The following HNRNPL variants were observed in gnomAD, a reference collection of about 807,000 sequenced individuals.
HNRNPL encodes the protein epididymis secretory sperm binding protein.
Under a neutral mutation model 64.0 loss-of-function variants are expected in HNRNPL, and 12 were observed. That is an observed-to-expected ratio of 0.19 (90% CI 0.12 to 0.30). HNRNPL has a LOEUF of 0.30. HNRNPL is among the 10% of genes least tolerant of loss of function. The probability of loss-of-function intolerance (pLI) is 1.00; values close to 1 mark genes in which losing one functional copy is unlikely to be tolerated. For synonymous variants in HNRNPL, 385 were observed against 313.0 expected, an observed-to-expected ratio of 1.23 and a Z score of -2.43; for missense variants, 484 against 797.4, an observed-to-expected ratio of 0.61 and a Z score of 4.73.
chr19:38,836,477 A>C lies in HNRNPL; in HGVS notation c.*245T>G. On this transcript the variant is annotated 3_prime_UTR_variant, in exon 13 of 13. Coordinates refer to ENST00000221419, the MANE Select transcript of HNRNPL (RefSeq NM_001533.3). ...TATGAACAGGAAAAAAAAAAATCAC[A>C]TGTACAATAATTTTTTAAAAGTGAA... The C allele has an allele frequency of 5.3e-6, 2 of 374,014 alleles. No homozygotes were observed. The highest frequency in any genetic ancestry group is 4.8e-6 in the Non-Finnish European group (1 of 206,668). The allele number at this position is 374,014 out of a possible 1,614,324, so 23.2% of individuals were successfully genotyped here. A position where few individuals can be genotyped will look rare whatever the true frequency, so the allele number is the denominator to read the frequency against.
chr19:38,840,728 C>T, intron 6 of HNRNPL, 169 bp from the exon 7 acceptor site: 1 of 633,602 alleles, frequency 1.6e-6, no homozygotes. Flanking sequence ...GGGCATGAAG[C>T]CCGAGCCTCA....
chr19:38,837,688 CA>C, intron 10 of HNRNPL, 37 bp from the exon 11 acceptor site: 8 of 1,591,912 alleles, frequency 5.0e-6, no homozygotes, highest in Non-Finnish European at 6.0e-6. Context: ...AACTCTGAAA[CA>C]AAAGGGCCGC....
In HNRNPL at chr19:38,840,024, T is replaced by A. The variant is rs989400637; in HGVS notation, c.1233+72A>T. 2.0e-6 allele frequency: 3 copies of A among 1,469,504 alleles called. No individual in the cohort carries two copies. In the South Asian group the frequency reaches 3.5e-5, roughly 17 times the overall value. The allele number at this position is 1,469,504 out of a possible 1,614,324, so 91.0% of individuals were successfully genotyped here. Reference sequence around the variant, plus strand: ...CCCAGCGCCACACCAGGCTCCCCCCTGGTTCTTTCCCGTGCTGACTGGCAA... The same window carrying A: ...CCCAGCGCCACACCAGGCTCCCCCCAGGTTCTTTCCCGTGCTGACTGGCAA... On this transcript the variant is annotated intron_variant, in intron 8 of 12. Coordinates refer to ENST00000221419, the MANE Select transcript of HNRNPL (RefSeq NM_001533.3).
chr19:38,848,762 T>C (rs1357966387), intron 1 of HNRNPL, among the ~76,000 whole-genome samples: 4 of 152,206 alleles, frequency 2.6e-5, no homozygotes, highest in African/African-American at 7.2e-5. Context: ...ATTTCCTCCT[T>C]TGTAAATCGG....
intron 8 of HNRNPL, chr19:38,839,481 C>T (rs1286804851): frequency 1.1e-5 from 2 of 174,732 alleles, no homozygotes; most frequent in Admixed American, 5.5e-5. Flanking sequence ...ATTTAAGCCC[C>T]GTCCTCCACT....
intron 9 of HNRNPL, 104 bp downstream of exon 9, chr19:38,838,790 G>C (rs1412591179): frequency 1.4e-6 from 2 of 1,453,046 alleles, no homozygotes; most frequent in East Asian, 5.7e-5. Flanking sequence ...TCCCATTTCT[G>C]TGTGAGTCAA....
chr19:38,851,716 AT>A (rs1183357613), upstream of HNRNPL, among the ~76,000 whole-genome samples: 9 of 152,164 alleles, frequency 5.9e-5, no homozygotes, highest in African/African-American at 2.2e-4. Flanking sequence ...GTGAGCCGTG[AT>A]CGCGCCCCTG....
upstream of HNRNPL, among the ~76,000 whole-genome samples, chr19:38,851,344 T>C (rs1972499759): frequency 1.3e-5 from 2 of 152,228 alleles, no homozygotes; most frequent in African/African-American, 4.8e-5. Flanking sequence ...GCCCCAGTTA[T>C]CACGCGCAGG....
intron 4 of HNRNPL, chr19:38,845,382 T>A (rs1015141061): frequency 2.3e-6 from 1 of 430,314 alleles, no homozygotes; most frequent in African/African-American, 2.0e-5. Context: ...AATAAATAAA[T>A]AAGTAAATAA....
At chr19:38,847,474 T>A in intron 1 of HNRNPL, 40 bp from the exon 2 acceptor site, 2 of 1,308,266 alleles carry the variant, frequency 1.5e-6, no homozygotes, top group South Asian at 1.6e-5. Flanking sequence ...TTTCTTGCTG[T>A]ACAAGATGAC....
intron 10 of HNRNPL, among the ~76,000 whole-genome samples, chr19:38,837,905 C>T (rs1034696113): frequency 2.6e-5 from 4 of 152,370 alleles, no homozygotes; most frequent in South Asian, 4.1e-4. Context: ...TATCTGCACC[C>T]GGCTGTTTGC....
In HNRNPL at chr19:38,844,213, G is replaced by T; in HGVS notation, c.711-109C>A. On this transcript the variant is annotated intron_variant, in intron 4 of 12. Coordinates refer to ENST00000221419, the MANE Select transcript of HNRNPL (RefSeq NM_001533.3). ...AGCACCCCAAGACTGTGGTACAGAC[G>T]GAAGCTTTGGGATTAGCTCACTGCC... 1.4e-5 allele frequency: 10 copies of T among 706,696 alleles called. No homozygotes were observed. The South Asian group carries it at 1.6e-4, about 12-fold the overall frequency. The allele number at this position is 706,696 out of a possible 1,614,324, so 43.8% of individuals were successfully genotyped here.
chr19:38,843,073 G>A lies in HNRNPL; in HGVS notation c.880+769C>T, dbSNP rs192715992. ...AGCAAGACAGGCCTGCCTAGGAATGGGGGGCTCTGGCCTCTCAGGGCCTGT... is the reference window on the plus strand; with the variant it reads ...AGCAAGACAGGCCTGCCTAGGAATGAGGGGCTCTGGCCTCTCAGGGCCTGT... On this transcript the variant is annotated intron_variant, in intron 6 of 12. Coordinates refer to ENST00000221419, the MANE Select transcript of HNRNPL (RefSeq NM_001533.3). Among the ~76,000 whole-genome samples, 16 of 152,256 alleles carry A rather than the reference G, an allele frequency of 1.1e-4. No individual in the cohort carries two copies. In the East Asian group the frequency reaches 3.1e-3, roughly 29 times the overall value.
chr19:38,850,565 C>T (rs1972476619), upstream of HNRNPL, among the ~76,000 whole-genome samples: 1 of 152,202 alleles, frequency 6.6e-6, no homozygotes, highest in Non-Finnish European at 1.5e-5. Flanking sequence ...AGGGTAGGCG[C>T]TCTTTGGTGC....
intron 2 of HNRNPL, among the ~76,000 whole-genome samples, chr19:38,846,906 A>G (rs1568374234): frequency 6.6e-6 from 1 of 152,000 alleles, no homozygotes; most frequent in African/African-American, 2.4e-5. Context: ...AGACTGTCTC[A>G]AAACAAACAA....
intron 1 of HNRNPL, among the ~76,000 whole-genome samples, chr19:38,849,073 C>G (rs1385116637): frequency 6.6e-6 from 1 of 152,208 alleles, no homozygotes; most frequent in Non-Finnish European, 1.5e-5. Flanking sequence ...AGTGAATCCC[C>G]GGAAACTGTA....
rs1972004936 is a variant in HNRNPL at position 38,838,556 on chromosome 19, C to G, written c.1398G>C (p.Gly466=). 1 of 1,614,172 alleles carries G rather than the reference C, an allele frequency of 6.2e-7. No individual in the cohort carries two copies. Among genetic ancestry groups the G allele is most frequent in the East Asian group, 2.2e-5 (1 of 44,888 alleles). ...TGTAACTGCAAGACCCGTCTTCCAA[C>G]CCGTATGACTGACCAGGCATGATGG... is the stretch of plus-strand genomic sequence containing the variant. ...QPAIMPGQSY[G]LEDGSCSYKD... is the part of the protein sequence containing the mutation. Residue 466 remains glycine, a synonymous_variant, in exon 10 of 13, where the codon GGG becomes GGC. Coordinates refer to ENST00000221419, the MANE Select transcript of HNRNPL (RefSeq NM_001533.3).
intron 5 of HNRNPL, 30 bp downstream of exon 5, chr19:38,843,978 A>T: frequency 6.2e-7 from 1 of 1,605,526 alleles, no homozygotes; most frequent in Non-Finnish European, 8.5e-7. Flanking sequence ...GGAAGCTGAC[A>T]AGGGGCAGTC....
At chr19:38,838,691 T>C in intron 9 of HNRNPL, 93 bp from the exon 10 acceptor site, 2 of 1,383,316 alleles carry the variant, frequency 1.4e-6, no homozygotes, top group East Asian at 2.3e-5. Flanking sequence ...TTGCCCTGTG[T>C]GCCTTGGGGC....
Sources: allele counts gnomAD v4.1 joint callset (sites outside exome capture counted in the v4.1 genomes callset), GRCh38; gene constraint gnomAD v4.1.1; transcripts MANE v1.5; gene names NCBI Gene and HGNC (gene_info 2026-07-23, HGNC 2026-07-21).